The following RGS13 variants were observed in gnomAD, a reference collection of about 807,000 sequenced individuals.
RGS13 encodes the protein regulator of G-protein signalling 13.
A neutral mutation model predicts 19.9 loss-of-function variants in RGS13; 14 were observed. The ratio of observed to expected loss-of-function variants is 0.70; its 90% CI spans 0.46 to 1.10. The LOEUF (loss-of-function observed/expected upper bound fraction) is 1.10. RGS13 is among the 50% of genes least tolerant of loss of function. The pLI is 0.00. For missense variants in RGS13, 205 were observed against 187.1 expected (o/e 1.10, Z -0.56); for synonymous variants, 60 against 56.8 (o/e 1.06, Z -0.25).
intron 1 of RGS13, among the ~76,000 whole-genome samples, chr1:192,636,853 A>G (rs552299828): frequency 6.6e-6 from 1 of 151,966 alleles, no homozygotes; most frequent in African/African-American, 2.4e-5. Context: ...TGAATTTTTT[A>G]AAGGACAAGA....
chr1:192,642,234 A>G (rs1663136299), intron 3 of RGS13, among the ~76,000 whole-genome samples: 1 of 151,436 alleles, frequency 6.6e-6, no homozygotes, highest in Non-Finnish European at 1.5e-5. Flanking sequence ...TTTAAACATG[A>G]TTATTGGTTC....
Position 192,636,247 on chromosome 1 carries a change from C to T in RGS13, c.-186C>T, listed in dbSNP as rs1663017177. On this transcript the variant is annotated 5_prime_UTR_variant, in exon 1 of 7. Transcript: ENST00000391995. The stretch of plus-strand genomic sequence containing the variant: ...TGGGTGTCTCACAAAATTTCAGAAC[C>T]TGATTTCAAACGGATCATAACAAAG... The T allele has an allele frequency of 6.6e-6, 1 of 152,024 alleles. No individual in the cohort carries two copies. The highest frequency in any genetic ancestry group is 2.4e-5 in the African/African-American group (1 of 41,416). 9.4% of individuals were successfully genotyped at this position (152,024 alleles called of 1,614,324 possible). A position where few individuals can be genotyped will look rare whatever the true frequency, so the allele number is the denominator to read the frequency against.
rs1277817812 is a variant in RGS13, at chr1:192,659,594, C to T, written c.*71C>T. 2.8e-6 allele frequency: 3 copies of T among 1,083,888 alleles called. No individual in the cohort carries two copies. The highest frequency in any genetic ancestry group is 4.0e-6 in the Non-Finnish European group (3 of 749,284). 67.1% of individuals were successfully genotyped at this position (1,083,888 alleles called of 1,614,324 possible). A position where few individuals can be genotyped will look rare whatever the true frequency, so the allele number is the denominator to read the frequency against. ...GGGTTTGATCTTTTTATTTAGAAAC[C>T]CACAAAATCAGAAACACAGTACAAA... On this transcript the variant is annotated 3_prime_UTR_variant, in exon 7 of 7. Coordinates refer to ENST00000391995, the MANE Select transcript of RGS13 (RefSeq NM_002927.5).
At chr1:192,646,193 G>A (rs776857516) in intron 4 of RGS13, 40 of 152,250 alleles carry the variant, frequency 2.6e-4, no homozygotes, top group East Asian at 9.7e-4. Flanking sequence ...GGCAGGATCC[G>A]TCTGAATTTT....
intron 3 of RGS13, among the ~76,000 whole-genome samples, chr1:192,638,471 G>A (rs1347686663): frequency 1.3e-5 from 2 of 152,114 alleles, no homozygotes; most frequent in East Asian, 1.9e-4. Context: ...TATAAGGATG[G>A]GGGTGGGGGG....
At position 192,652,416 on chromosome 1, in the gene RGS13, T is replaced by C. The variant is rs1480247496; in HGVS notation, c.127+4429T>C. Among the ~76,000 whole-genome samples the C allele has an allele frequency of 2.0e-5, 3 of 152,162 alleles. No homozygotes were observed. In the East Asian group the frequency reaches 5.8e-4, roughly 29 times the overall value. On this transcript the variant is annotated intron_variant, in intron 5 of 6. Coordinates refer to ENST00000391995, the MANE Select transcript of RGS13 (RefSeq NM_002927.5). ...TGGCAGTTTCCTACACTATCACTTA[T>C]TCTAATCTCTGCTAACTACTGCTGT...
At chr1:192,652,067 TCA>T (rs1373462978) in intron 5 of RGS13, among the ~76,000 whole-genome samples, 2 of 152,098 alleles carry the variant, frequency 1.3e-5, no homozygotes, top group Admixed American at 1.3e-4. Flanking sequence ...GTGCTCTGAA[TCA>T]CAGAGTTTGC....
At position 192,638,763 on chromosome 1, in the gene RGS13, C is replaced by A. The variant is rs1035316792; in HGVS notation, c.-5+560C>A. Among the ~76,000 whole-genome samples, 5 of 152,090 alleles carry A rather than the reference C, an allele frequency of 3.3e-5. No homozygotes were observed. The East Asian group carries it at 7.7e-4, about 23-fold the overall frequency. ...GGGTCTATTTATTCTATGCATAACA[C>A]ATGTCATACACAATTCTGTCACTAA... is the stretch of plus-strand genomic sequence containing the variant. On this transcript the variant is annotated intron_variant, in intron 3 of 6. Coordinates refer to ENST00000391995, the MANE Select transcript of RGS13 (RefSeq NM_002927.5).
chr1:192,655,172 C>A (rs77829046), intron 5 of RGS13, among the ~76,000 whole-genome samples: 4 of 152,046 alleles, frequency 2.6e-5, no homozygotes, highest in Non-Finnish European at 5.9e-5. Flanking sequence ...CATTTTCAGC[C>A]GCTAGCTTGA....
chr1:192,649,208 A>G (rs1663272991), intron 5 of RGS13, among the ~76,000 whole-genome samples: 1 of 152,130 alleles, frequency 6.6e-6, no homozygotes, highest in South Asian at 2.1e-4. Context: ...CTCATAGTTT[A>G]TAATCCAATT....
intron 3 of RGS13, among the ~76,000 whole-genome samples, chr1:192,641,220 GAGAGAAAGAA>G (rs1558049069): frequency 7.4e-4 from 40 of 53,920 alleles, no homozygotes; most frequent in African/African-American, 2.8e-3. Flanking sequence ...AAGAAAGAAA[GAGAGAAAGAA>G]AGAAAGAAAG....
At chr1:192,643,526 T>C (rs1241091592) in intron 3 of RGS13, among the ~76,000 whole-genome samples, 2 of 151,858 alleles carry the variant, frequency 1.3e-5, no homozygotes, top group African/African-American at 2.4e-5. Context: ...CCAGAGTAGA[T>C]AAAACCAGAT....
intron 3 of RGS13, among the ~76,000 whole-genome samples, chr1:192,641,318 AGGAG>A (rs1558049369): frequency 1.3e-5 from 2 of 150,928 alleles, no homozygotes; most frequent in African/African-American, 2.4e-5. Context: ...AAAGAAAGAA[AGGAG>A]GGAGGGAGGA....
intron 5 of RGS13, among the ~76,000 whole-genome samples, chr1:192,648,349 C>T (rs1663256812): frequency 6.6e-6 from 1 of 152,120 alleles, no homozygotes; most frequent in South Asian, 2.1e-4. Context: ...TTGAGTCTTG[C>T]TGTTCTAAAA....
chr1:192,649,449 T>C (rs1417566476), intron 5 of RGS13, among the ~76,000 whole-genome samples: 2 of 152,276 alleles, frequency 1.3e-5, no homozygotes, highest in South Asian at 2.1e-4. Flanking sequence ...AGGTTTATTG[T>C]GCAGGTGAGA....
chr1:192,655,756 T>C (rs1160137599), intron 5 of RGS13, among the ~76,000 whole-genome samples: 4 of 152,182 alleles, frequency 2.6e-5, no homozygotes, highest in Admixed American at 2.6e-4. Flanking sequence ...CTATGCAGTA[T>C]ATATAGAATA....
chr1:192,638,896 T>C (rs1011230559), intron 3 of RGS13, among the ~76,000 whole-genome samples: 1 of 152,142 alleles, frequency 6.6e-6, no homozygotes, highest in Non-Finnish European at 1.5e-5. Context: ...AACCAACATA[T>C]AAACAACTAC....
chr1:192,636,611 AAT>A (rs1217051274), intron 1 of RGS13, among the ~76,000 whole-genome samples: 1 of 151,972 alleles, frequency 6.6e-6, no homozygotes, highest in Non-Finnish European at 1.5e-5. Flanking sequence ...TTTCATTTTA[AAT>A]GTTTTTCATT....
At chr1:192,638,686 G>T (rs943843716) in intron 3 of RGS13, among the ~76,000 whole-genome samples, 19 of 152,028 alleles carry the variant, frequency 1.2e-4, no homozygotes, top group African/African-American at 4.1e-4. Context: ...TAAAGGACAG[G>T]AATACCAGAG....
Sources: allele counts gnomAD v4.1 joint callset (sites outside exome capture counted in the v4.1 genomes callset), GRCh38; gene constraint gnomAD v4.1.1; transcripts MANE v1.5; gene names NCBI Gene and HGNC (gene_info 2026-07-23, HGNC 2026-07-21).